The following PARP12 variants were observed in gnomAD, a reference collection of about 807,000 sequenced individuals.
PARP12 encodes the protein poly(ADP-ribose) polymerase family member 12, also known as protein mono-ADP-ribosyltransferase PARP12.
Under a neutral mutation model 72.4 loss-of-function variants are expected in PARP12, and 59 were observed. The observed-to-expected ratio is 0.81, with a 90% CI of 0.66 to 1.01. The LOEUF (loss-of-function observed/expected upper bound fraction) is 1.01. Ranked by LOEUF, PARP12 falls within the 50% of genes least tolerant of loss-of-function variation. The probability of loss-of-function intolerance (pLI) is 0.00; values close to 1 mark genes in which losing one functional copy is unlikely to be tolerated. For synonymous variants in PARP12, 403 were observed against 371.4 expected, an observed-to-expected ratio of 1.09 and a Z score of -0.98; for missense variants, 851 against 914.0, an observed-to-expected ratio of 0.93 and a Z score of 0.89.
At chr7:140,056,714 T>A (rs1018117076) in intron 3 of PARP12, 142 bp downstream of exon 3, 2 of 831,256 alleles carry the variant, frequency 2.4e-6, no homozygotes, top group South Asian at 1.8e-5. Flanking sequence ...TAGGAAAGCA[T>A]CATCAACTCC....
Position 140,043,798 on chromosome 7 carries a change from C to T in PARP12, c.987-1959G>A, listed in dbSNP as rs1004853035. Among the ~76,000 whole-genome samples, 9 of 152,330 alleles carry T rather than the reference C, an allele frequency of 5.9e-5. 1 individual carries two copies. In the South Asian group the frequency reaches 1.9e-3, roughly 32 times the overall value. Reference sequence around the variant, plus strand: ...CCGCCCTCCTCAGCCTCCCAAAGTGCTGGGATTACACGCGTGAGCCACTGC... The same window carrying T: ...CCGCCCTCCTCAGCCTCCCAAAGTGTTGGGATTACACGCGTGAGCCACTGC... On this transcript the variant is annotated intron_variant, in intron 5 of 11. Transcript: ENST00000263549.
At chr7:140,048,238 T>C (rs1223482049) in intron 4 of PARP12, among the ~76,000 whole-genome samples, 5 of 152,186 alleles carry the variant, frequency 3.3e-5, no homozygotes, top group Admixed American at 2.0e-4. Context: ...ATCCACACAA[T>C]GGCCCAGACC....
chr7:140,061,985 G>GC, intron 1 of PARP12, among the ~76,000 whole-genome samples: 1 of 7,810 alleles, frequency 1.3e-4, no homozygotes, highest in Admixed American at 2.6e-3. Context: ...GAAATGCCCG[G>GC]GGGGGGGGGG....
intron 5 of PARP12, among the ~76,000 whole-genome samples, chr7:140,042,992 G>A (rs1458822703): frequency 6.6e-6 from 1 of 152,112 alleles, no homozygotes; most frequent in Admixed American, 6.5e-5. Context: ...TCAGGAGATC[G>A]AGACCATCCT....
chr7:140,041,411 T>A (rs537440670), intron 6 of PARP12: 4 of 426,830 alleles, frequency 9.4e-6, no homozygotes, highest in Non-Finnish European at 1.7e-5. Flanking sequence ...AAATTTGTCA[T>A]TCAGTTCTCA....
Position 140,060,898 on chromosome 7 carries a change from C to G in PARP12, c.326+1624G>C, listed in dbSNP as rs76896584. On this transcript the variant is annotated intron_variant, in intron 1 of 11. Coordinates refer to ENST00000263549, the MANE Select transcript of PARP12 (RefSeq NM_022750.4). The stretch of plus-strand genomic sequence containing the variant: ...CCCAATATCTCCCAAACCAGCCCAG[C>G]GCATTGGGGCCCTGGCCTTCCTCCC... Among the ~76,000 whole-genome samples the G allele has an allele frequency of 7.6e-3, 1,157 of 152,288 alleles. 8 individuals are homozygous for G. The highest frequency in any genetic ancestry group is 0.026 in the African/African-American group (1,100 of 41,546).
At chr7:140,058,426 G>T (rs2116671253) in intron 1 of PARP12, among the ~76,000 whole-genome samples, 1 of 151,976 alleles carries the variant, frequency 6.6e-6, no homozygotes, top group East Asian at 1.9e-4. Context: ...CAGAAGAATG[G>T]CATGAACCCG....
At chr7:140,035,187 G>A (rs1052844913) in intron 7 of PARP12, among the ~76,000 whole-genome samples, 2 of 152,226 alleles carry the variant, frequency 1.3e-5, no homozygotes, top group African/African-American at 2.4e-5. Flanking sequence ...TGTCTCTTAG[G>A]TTGCAGCTGA....
chr7:140,048,235 C>A (rs1292307500), intron 4 of PARP12, among the ~76,000 whole-genome samples: 2 of 152,228 alleles, frequency 1.3e-5, no homozygotes, highest in African/African-American at 4.8e-5. Context: ...AACATCCACA[C>A]AATGGCCCAG....
At chr7:140,027,157 G>A in intron 10 of PARP12, 119 bp downstream of exon 10, 1 of 1,358,078 alleles carries the variant, frequency 7.4e-7, no homozygotes. Context: ...ACAGCTCCCA[G>A]CACATGGCAG....
chr7:140,030,896 G>A (rs577348197), intron 8 of PARP12, among the ~76,000 whole-genome samples: 1 of 152,234 alleles, frequency 6.6e-6, no homozygotes, highest in South Asian at 2.1e-4. Context: ...CAAAAGATTG[G>A]ACACCCCTGA....
intron 7 of PARP12, among the ~76,000 whole-genome samples, chr7:140,035,028 G>A (rs1386489088): frequency 6.6e-6 from 1 of 152,144 alleles, no homozygotes; most frequent in Non-Finnish European, 1.5e-5. Flanking sequence ...TCCCACCTCA[G>A]CCTCCCAAGT....
At chr7:140,034,736 G>T in intron 7 of PARP12, 1 of 163,552 alleles carries the variant, frequency 6.1e-6, no homozygotes, top group Non-Finnish European at 1.3e-5. Context: ...TTATGACTTT[G>T]TTTTAGTTAA....
At position 140,041,804 on chromosome 7, in the gene PARP12, G is replaced by C; in HGVS notation, c.1022C>G (p.Ser341Cys). 1 of 1,614,128 alleles carries C rather than the reference G, an allele frequency of 6.2e-7. No individual in the cohort carries two copies. Among genetic ancestry groups the C allele is most frequent in the Non-Finnish European group, 8.5e-7 (1 of 1,180,002 alleles). Residue 341 changes from serine (S) to cysteine (C), a missense_variant, in exon 6 of 12, where the codon TCT becomes TGT. Ser to Cys is a moderately radical substitution (Grantham distance 112, BLOSUM62 -1). Around this residue, in one of 3 missense-constraint regions of PARP12, gnomAD observed 492 missense variants for 489.3 expected, o/e 1.01. Transcript: ENST00000263549. ...LCSESASTFH[S>C]HCLNFNAMTY... ...CATGGCGTTAAAGTTCAGACAATGA[G>C]AGTGAAAGGTACTGGCTGACTCAGA...
chr7:140,038,115 G>A, intron 6 of PARP12: 1 of 985,388 alleles, frequency 1.0e-6, no homozygotes, highest in East Asian at 1.1e-4. Flanking sequence ...TGGGAGCAAC[G>A]GAGAGGAGGG....
At chr7:140,028,770 T>C (rs1585081419) in intron 8 of PARP12, 82 bp from the exon 9 acceptor site, 4 of 1,211,082 alleles carry the variant, frequency 3.3e-6, no homozygotes, top group Middle Eastern at 1.9e-4. Context: ...TGCTAGCCAA[T>C]ATCACCAGTC....
rs1025441391 is a variant in PARP12, at chr7:140,057,100, T to C, written c.516A>G (p.Gln172=). The change falls in exon 3 of 12, where the codon CAA becomes CAG. Residue 172 remains glutamine, a synonymous_variant. Coordinates refer to ENST00000263549, the MANE Select transcript of PARP12 (RefSeq NM_022750.4). ...GDGPHGSCAF[Q]KQCIKLHICQ... is the part of the protein sequence containing the mutation. Reference sequence around the variant, plus strand: ...AGATATGGAGCTTGATGCACTGCTTTTGAAAGGCACAAGAGCCGTGGGGTC... The same window carrying C: ...AGATATGGAGCTTGATGCACTGCTTCTGAAAGGCACAAGAGCCGTGGGGTC... The C allele has an allele frequency of 2.5e-6, 4 of 1,614,164 alleles. No homozygotes were observed. Among genetic ancestry groups the C allele is most frequent in the African/African-American group, 2.7e-5 (2 of 75,038 alleles).
intron 5 of PARP12, among the ~76,000 whole-genome samples, chr7:140,042,258 T>G (rs1426908659): frequency 6.6e-6 from 1 of 152,202 alleles, no homozygotes; most frequent in East Asian, 1.9e-4. Flanking sequence ...CCCTATGAGG[T>G]TGAGACTATT....
At chr7:140,051,365 A>C (rs1816950657) in intron 4 of PARP12, among the ~76,000 whole-genome samples, 1 of 152,074 alleles carries the variant, frequency 6.6e-6, no homozygotes, top group African/African-American at 2.4e-5. Context: ...TATTAACTGA[A>C]GAAAAATGGG....
Sources: allele counts gnomAD v4.1 joint callset (sites outside exome capture counted in the v4.1 genomes callset), GRCh38; gene constraint gnomAD v4.1.1; regional missense constraint gnomAD v4.1.1; transcripts MANE v1.5; gene names NCBI Gene and HGNC (gene_info 2026-07-23, HGNC 2026-07-21).